The following FBXO10 variants were observed in gnomAD, a reference collection of about 807,000 sequenced individuals.
FBXO10 encodes the protein F-box protein 10, also known as F-box only protein 10.
Under a neutral mutation model 80.7 loss-of-function variants are expected in FBXO10, and 39 were observed. The observed-to-expected ratio is 0.48, with a 90% CI of 0.37 to 0.63. FBXO10 has a LOEUF of 0.63. Ranked by LOEUF, FBXO10 falls within the 30% of genes least tolerant of loss-of-function variation. The pLI is 0.00. For synonymous variants in FBXO10, 449 were observed against 489.6 expected (o/e 0.92, Z 1.09); for missense variants, 1,025 against 1,269.0 (o/e 0.81, Z 2.92).
chr9:37,525,195 CAA>C, intron 5 of FBXO10, 23 bp from the exon 6 acceptor site: 3 of 1,553,956 alleles, frequency 1.9e-6, no homozygotes, highest in South Asian at 2.4e-5. Context: ...GAAAACAAAA[CAA>C]AGAGGTGAGC....
intron 1 of FBXO10, among the ~76,000 whole-genome samples, chr9:37,550,169 GTTTTTTTT>G (rs74171511): frequency 0.034 from 2,308 of 67,990 alleles, 237 homozygotes; most frequent in African/African-American, 0.11. Flanking sequence ...GTCGTCTCAG[GTTTTTTTT>G]TTTTTTTTTT....
intron 4 of FBXO10, among the ~76,000 whole-genome samples, chr9:37,531,307 T>C (rs1295283455): frequency 6.6e-6 from 1 of 152,156 alleles, no homozygotes; most frequent in East Asian, 1.9e-4. Context: ...CCATACCCCA[T>C]AAATCTGTGT....
intron 3 of FBXO10, chr9:37,535,998 C>G (rs1243251918): frequency 6.6e-6 from 1 of 152,190 alleles, no homozygotes; most frequent in Non-Finnish European, 1.5e-5. Context: ...TTACCTTTCC[C>G]TTTTTATTTG....
rs192126092 is a variant in FBXO10 at position 37,541,850 on chromosome 9, T to C, written c.-6-76A>G. ...GTCCCCCTTTTTTATTTTTTTGAGA[T>C]GGAGTTTCACTCTTCTTGCCCAGGC... is the stretch of plus-strand genomic sequence containing the variant. On this transcript the variant is annotated intron_variant, in intron 1 of 10. Transcript: ENST00000432825. The C allele has an allele frequency of 1.2e-4, 147 of 1,252,666 alleles. No homozygotes were observed. The East Asian group carries it at 3.3e-3, about 28-fold the overall frequency. 77.6% of individuals were successfully genotyped at this position (1,252,666 alleles called of 1,614,324 possible).
At chr9:37,558,467 T>G (rs116487103) in intron 1 of FBXO10, among the ~76,000 whole-genome samples, 133 of 152,350 alleles carry the variant, frequency 8.7e-4, no homozygotes, top group African/African-American at 2.8e-3. Context: ...CATCCCATAG[T>G]ATCCAGCACT....
intron 6 of FBXO10, among the ~76,000 whole-genome samples, chr9:37,524,766 C>T (rs1193354367): frequency 2.6e-5 from 4 of 152,112 alleles, no homozygotes; most frequent in Non-Finnish European, 5.9e-5. Flanking sequence ...GTTAGCCGGG[C>T]GGAGGTTTCC....
chr9:37,552,241 C>A (rs10973407), intron 1 of FBXO10, among the ~76,000 whole-genome samples: 1 of 152,004 alleles, frequency 6.6e-6, no homozygotes, highest in East Asian at 1.9e-4. Flanking sequence ...CAAAACTGTT[C>A]CAGCCTCTAT....
intron 3 of FBXO10, among the ~76,000 whole-genome samples, chr9:37,535,578 G>A (rs1030467437): frequency 4.0e-5 from 6 of 151,728 alleles, no homozygotes; most frequent in Admixed American, 3.9e-4. Flanking sequence ...GGCTGGTCTC[G>A]AACTCCTGAG....
intron 7 of FBXO10, chr9:37,522,437 GA>G (rs1439307048): frequency 9.6e-7 from 1 of 1,038,852 alleles, no homozygotes; most frequent in East Asian, 8.7e-5. Context: ...GCGTGAGTGA[GA>G]AGAGTTTTCT....
chr9:37,546,963 G>T (rs748718392), intron 1 of FBXO10, among the ~76,000 whole-genome samples: 4 of 152,168 alleles, frequency 2.6e-5, no homozygotes, highest in Non-Finnish European at 5.9e-5. Context: ...TTACAGGCAT[G>T]AGCCACCGCA....
intron 8 of FBXO10, among the ~76,000 whole-genome samples, chr9:37,520,254 G>A (rs987534286): frequency 1.2e-4 from 18 of 145,608 alleles, no homozygotes; most frequent in Admixed American, 6.9e-5. Flanking sequence ...CTGGAGTTAG[G>A]TGAACTACAC....
intron 1 of FBXO10, among the ~76,000 whole-genome samples, chr9:37,550,427 G>A (rs1018284259): frequency 4.1e-5 from 6 of 146,860 alleles, no homozygotes; most frequent in East Asian, 4.1e-4. Flanking sequence ...TCAAGTGATC[G>A]GCCCGCCTCA....
rs185558370 is a variant in FBXO10, at chr9:37,522,932, C to T, written c.1823G>A (p.Arg608His). ...ENQWGGVDIRRGGIPVLRSNL... is the reference protein window; with the variant it reads ...ENQWGGVDIRHGGIPVLRSNL... ...ACTCCTGAGAACGGGGATCCCTCCACGGCGGATGTCCACACCTCCCCACTG... is the reference window on the plus strand; with the variant it reads ...ACTCCTGAGAACGGGGATCCCTCCATGGCGGATGTCCACACCTCCCCACTG... Residue 608 changes from arginine (R) to histidine (H), a missense_variant, in exon 7 of 11, where the codon CGT becomes CAT. Transcript: ENST00000432825. 51 of 1,589,788 alleles carry T rather than the reference C, an allele frequency of 3.2e-5. No individual in the cohort carries two copies. Among genetic ancestry groups the T allele is most frequent in the African/African-American group, 2.4e-4 (18 of 74,456 alleles).
At chr9:37,551,539 A>C (rs1822199008) in intron 1 of FBXO10, among the ~76,000 whole-genome samples, 1 of 152,252 alleles carries the variant, frequency 6.6e-6, no homozygotes, top group African/African-American at 2.4e-5. Flanking sequence ...TCTGTAGCCC[A>C]GCCACACCTG....
At position 37,537,564 on chromosome 9, in the gene FBXO10, G is replaced by C. The variant is rs550553671; in HGVS notation, c.965C>G (p.Pro322Arg). The change falls in exon 3 of 11, where the codon CCA (proline) becomes CGA (arginine). Residue 322 changes from proline to arginine, a missense_variant. Pro to Arg is a moderately radical substitution (Grantham distance 103). Transcript: ENST00000432825. The part of the protein sequence containing the change: ...VIEGSQSPTS[P>R]ASSSPKPGSK... ...GCCTGGCTTTGGGGAGCTAGAGGCT[G>C]GGCTGGTAGGGCTCTGGCTGCCCTC... is the stretch of plus-strand genomic sequence containing the variant. The C allele has an allele frequency of 1.2e-5, 20 of 1,613,434 alleles. 1 individual carries two copies. The highest frequency in any genetic ancestry group is 5.0e-5 in the Admixed American group (3 of 59,924).
intron 1 of FBXO10, among the ~76,000 whole-genome samples, chr9:37,545,322 G>A (rs1000566949): frequency 3.3e-5 from 5 of 151,642 alleles, no homozygotes; most frequent in Admixed American, 6.6e-5. Flanking sequence ...GATTACAGGC[G>A]CACACCGCCA....
intron 2 of FBXO10, among the ~76,000 whole-genome samples, chr9:37,538,328 A>G (rs1821826362): frequency 6.6e-6 from 1 of 152,176 alleles, no homozygotes. Flanking sequence ...GTGGCAACTG[A>G]TGCACGTGGT....
chr9:37,532,919 G>T (rs1821666388), intron 3 of FBXO10, among the ~76,000 whole-genome samples: 1 of 152,144 alleles, frequency 6.6e-6, no homozygotes, highest in Non-Finnish European at 1.5e-5. Flanking sequence ...GGACAGTAAG[G>T]TACCACACAG....
intron 8 of FBXO10, among the ~76,000 whole-genome samples, chr9:37,520,437 C>T (rs930939654): frequency 6.6e-6 from 1 of 150,668 alleles, no homozygotes; most frequent in African/African-American, 2.4e-5. Context: ...TGGGCTCAAG[C>T]GATCCCCCCG....
Sources: allele counts gnomAD v4.1 joint callset (sites outside exome capture counted in the v4.1 genomes callset), GRCh38; gene constraint gnomAD v4.1.1; transcripts MANE v1.5; gene names NCBI Gene and HGNC (gene_info 2026-07-23, HGNC 2026-07-21).